TMEM256: variants seen among roughly 807,000 people sequenced by gnomAD.
The protein encoded by TMEM256 is UPF0451 protein C17orf61.
Under a neutral mutation model 14.8 loss-of-function variants are expected in TMEM256, and 14 were observed. That is an observed-to-expected ratio of 0.95 (90% CI 0.63 to 1.48). The LOEUF (loss-of-function observed/expected upper bound fraction) is 1.48, where lower values mean the gene tolerates loss of function less well. Among genes scored for constraint, TMEM256 ranks in the 40% most tolerant of loss-of-function variants. The probability of loss-of-function intolerance (pLI) is 0.00; values close to 1 mark genes in which losing one functional copy is unlikely to be tolerated. For synonymous variants in TMEM256, 68 were observed against 60.7 expected (o/e 1.12, Z -0.56); for missense variants, 146 against 137.9 (o/e 1.06, Z -0.30).
intron 1 of TMEM256, 95 bp from the exon 2 acceptor site, chr17:7,403,784 A>AC (rs56134360): frequency 0.085 from 84,575 of 992,762 alleles, 307 homozygotes; most frequent in Middle Eastern, 0.15. Flanking sequence ...GAGAAAGGGC[A>AC]CCCCCCCCCC....
chr17:7,403,778 A>ACGGGGGGGGGGGGGGGG, intron 1 of TMEM256, 89 bp from the exon 2 acceptor site: 3 of 1,340,664 alleles, frequency 2.2e-6, no homozygotes, highest in Middle Eastern at 2.1e-4. Context: ...ATTGGCGAGA[A>ACGGGGGGGGGGGGGGGG]AGGGCACCCC....
intron 3 of TMEM256, 28 bp from the exon 4 acceptor site, chr17:7,403,237 G>C (rs763088218): frequency 1.2e-6 from 2 of 1,614,062 alleles, no homozygotes; most frequent in African/African-American, 2.7e-5. Context: ...CAGAAAACAG[G>C]ATTGTTAAGA....
chr17:7,403,633 G>A (rs1309867505), intron 2 of TMEM256, 25 bp downstream of exon 2: 2 of 1,613,664 alleles, frequency 1.2e-6, no homozygotes, highest in Middle Eastern at 1.6e-4. Context: ...CCACGAGTCA[G>A]GGAGCCCCAG....
In TMEM256 at chr17:7,404,079, G is replaced by A. The variant is rs752432561; in HGVS notation, c.6C>T (p.Ala2=). M[A]GPAAAFRRLG... Reference sequence around the variant, plus strand: ...AGCGGCGGAAAGCTGCAGCTGGCCCGGCCATAGCTGTAGAACAGGACGCAC... The same window carrying A: ...AGCGGCGGAAAGCTGCAGCTGGCCCAGCCATAGCTGTAGAACAGGACGCAC... The change falls in exon 1 of 4, where the codon GCC becomes GCT. Residue 2 remains alanine (A), a synonymous_variant. Transcript: ENST00000302422. 1.0e-5 allele frequency: 16 copies of A among 1,587,608 alleles called. No individual in the cohort carries two copies. Among genetic ancestry groups the A allele is most frequent in the Admixed American group, 1.8e-5 (1 of 56,024 alleles).
In TMEM256 at chr17:7,403,095, G is replaced by A. The variant is rs1168906937; in HGVS notation, c.313C>T (p.Leu105Phe). The A allele has an allele frequency of 2.5e-6, 4 of 1,613,828 alleles. No homozygotes were observed. The highest frequency in any genetic ancestry group is 3.4e-6 in the Non-Finnish European group (4 of 1,179,974). ...AGAGCCAAGGCAAGCCAGCCCAAGA[G>A]TAGCAGGGTCCCTCCCGCAGGGGCC... ...TLAPAGGTLLLLGWLALAL is the reference protein window; with the variant it reads ...TLAPAGGTLLFLGWLALAL Residue 105 changes from leucine (L) to phenylalanine (F), a missense_variant, in exon 4 of 4, where the codon CTC becomes TTC. By Grantham distance (22) the Leu-to-Phe change is conservative (BLOSUM62 0). Coordinates refer to ENST00000302422, the MANE Select transcript of TMEM256 (RefSeq NM_152766.5).
At chr17:7,403,568 C>A in intron 2 of TMEM256, 90 bp downstream of exon 2, 1 of 1,567,410 alleles carries the variant, frequency 6.4e-7, no homozygotes, top group Non-Finnish European at 8.7e-7. Flanking sequence ...CGGCTCGCCC[C>A]ACCCTCTCCC....
chr17:7,402,988 C>T lies in TMEM256; in HGVS notation c.*78G>A. ...AAGACTCCAAAGTTTATTTGCCTTT[C>T]CTTTTTAATCCTCTTCTTACTCCAA... On this transcript the variant is annotated 3_prime_UTR_variant, in exon 4 of 4. Coordinates refer to ENST00000302422, the MANE Select transcript of TMEM256 (RefSeq NM_152766.5). The T allele has an allele frequency of 6.6e-7, 1 of 1,526,036 alleles. No individual in the cohort carries two copies. 94.5% of individuals were successfully genotyped at this position (1,526,036 alleles called of 1,614,324 possible). A position where few individuals can be genotyped will look rare whatever the true frequency, so the allele number is the denominator to read the frequency against.
chr17:7,403,778 A>ACGGGGGGGGGGGGGGGGGGGCGGGGGG, intron 1 of TMEM256, 89 bp from the exon 2 acceptor site: 1 of 1,340,676 alleles, frequency 7.5e-7, no homozygotes, highest in East Asian at 2.7e-5. Flanking sequence ...ATTGGCGAGA[A>ACGGGGGGGGGGGGGGGGGGGCGGGGGG]AGGGCACCCC....
At chr17:7,403,452 G>A in intron 2 of TMEM256, 62 bp from the exon 3 acceptor site, 3 of 1,539,560 alleles carry the variant, frequency 1.9e-6, no homozygotes. Flanking sequence ...ATCCCCTGAT[G>A]ACACAAGGGA....
rs747399655 is a variant in TMEM256, at chr17:7,403,171, G to A, written c.237C>T (p.Cys79=). The A allele has an allele frequency of 1.1e-5, 18 of 1,614,078 alleles. No homozygotes were observed. Among genetic ancestry groups the A allele is most frequent in the African/African-American group, 4.0e-5 (3 of 74,928 alleles). The change falls in exon 4 of 4, where the codon TGC becomes TGT. Residue 79 remains cysteine (C), a synonymous_variant. Coordinates refer to ENST00000302422, the MANE Select transcript of TMEM256 (RefSeq NM_152766.5). ...TCAGAGCCTGGTAGTAAAAGCTGGT[G>A]CAGAATAAGGTCGTTCCGGAAGCTA... ...LLLASGTTLF[C]TSFYYQALSG... is the part of the protein sequence containing the mutation.
chr17:7,403,664 C>A lies in TMEM256; in HGVS notation c.111G>T (p.Gly37=). ...CCCAGCGCAGTTACTTCACCTCCTT[C>A]CCGTAGGCATCTGGGAATTGGGCGC... ...AHGAQFPDAY[G]KELFDKANKH... Residue 37 remains glycine, a synonymous_variant, in exon 2 of 4, where the codon GGG becomes GGT. Transcript: ENST00000302422. 6.2e-7 allele frequency: 1 copy of A among 1,613,424 alleles called. No individual in the cohort carries two copies. The highest frequency in any genetic ancestry group is 8.5e-7 in the Non-Finnish European group (1 of 1,179,692).
In TMEM256 at chr17:7,404,089, G is replaced by T. The variant is rs1321055277; in HGVS notation, c.-5C>A. 1.3e-6 allele frequency: 2 copies of T among 1,576,910 alleles called. No individual in the cohort carries two copies. The highest frequency in any genetic ancestry group is 1.7e-6 in the Non-Finnish European group (2 of 1,159,944). On this transcript the variant is annotated 5_prime_UTR_variant, in exon 1 of 4. Transcript: ENST00000302422. ...AGCTGCAGCTGGCCCGGCCATAGCT[G>T]TAGAACAGGACGCACCGGACCAACG...
intron 1 of TMEM256, 103 bp from the exon 2 acceptor site, chr17:7,403,792 CCCCG>C: frequency 2.8e-6 from 3 of 1,056,594 alleles, no homozygotes; most frequent in Non-Finnish European, 3.9e-6. Context: ...GCACCCCCCC[CCCCG>C]CCCCAGGAAG....
At chr17:7,403,789 C>CCT in intron 1 of TMEM256, 100 bp from the exon 2 acceptor site, 4 of 1,025,372 alleles carry the variant, frequency 3.9e-6, no homozygotes, top group South Asian at 2.8e-5. Flanking sequence ...AGGGCACCCC[C>CCT]CCCCCCGCCC....
In TMEM256 at chr17:7,403,224, GCA is replaced by G. The variant is rs1272328739; in HGVS notation, c.199-17_199-16del. ...AATAACCCAGCCTGAAGGAGACACA[GCA>G]CAGAAAACAGGATTGTTAAGAACAG... On this transcript the variant is annotated splice_polypyrimidine_tract_variant and intron_variant, in intron 3 of 3. Coordinates refer to ENST00000302422, the MANE Select transcript of TMEM256 (RefSeq NM_152766.5). 6.2e-7 allele frequency: 1 copy of G among 1,614,082 alleles called. No individual in the cohort carries two copies. Among genetic ancestry groups the G allele is most frequent in the Non-Finnish European group, 8.5e-7 (1 of 1,180,024 alleles).
At chr17:7,403,910 A>G (rs569831594) in intron 1 of TMEM256, 90 bp downstream of exon 1, 1 of 1,403,706 alleles carries the variant, frequency 7.1e-7, no homozygotes, top group East Asian at 2.5e-5. Context: ...GATAAACGAG[A>G]GGCCGGGCAC....
chr17:7,403,779 A>AGGGGGGGGGGGGGG, intron 1 of TMEM256, 90 bp from the exon 2 acceptor site: 1 of 1,306,672 alleles, frequency 7.7e-7, no homozygotes, highest in Non-Finnish European at 1.0e-6. Context: ...TTGGCGAGAA[A>AGGGGGGGGGGGGGG]GGGCACCCCC....
At chr17:7,403,969 A>G (rs1906469300) in intron 1 of TMEM256, 31 bp downstream of exon 1, 1 of 1,548,628 alleles carries the variant, frequency 6.5e-7, no homozygotes, top group South Asian at 1.2e-5. Flanking sequence ...CGCCCCAAGT[A>G]CAGTCCCATC....
chr17:7,403,458 A>C (rs1906423409), intron 2 of TMEM256, 68 bp from the exon 3 acceptor site: 1 of 1,533,212 alleles, frequency 6.5e-7, no homozygotes, highest in Admixed American at 1.7e-5. Context: ...TGATGACACA[A>C]GGGACCAAAG....
Sources: allele counts gnomAD v4.1 joint callset, GRCh38; gene constraint gnomAD v4.1.1; transcripts MANE v1.5; gene names NCBI Gene and HGNC (gene_info 2026-07-23, HGNC 2026-07-21).